The following SSBP3 variants were observed in gnomAD, a reference collection of about 807,000 sequenced individuals.
SSBP3 encodes the protein single-stranded DNA-binding protein 3.
SSBP3 carries 5 observed loss-of-function variants against 69.6 expected under a neutral mutation model. The observed-to-expected ratio is 0.07, with a 90% CI of 0.04 to 0.15. The LOEUF (loss-of-function observed/expected upper bound fraction) is 0.15, where lower values mean the gene tolerates loss of function less well. Ranked by LOEUF, SSBP3 falls within the 10% of genes least tolerant of loss-of-function variation. The probability of loss-of-function intolerance (pLI) is 1.00; values close to 1 mark genes in which losing one functional copy is unlikely to be tolerated. For missense variants in SSBP3, 312 were observed against 534.0 expected, an observed-to-expected ratio of 0.58 and a Z score of 4.10; for synonymous variants, 196 against 193.4, an observed-to-expected ratio of 1.01 and a Z score of -0.11.
intron 9 of SSBP3, among the ~76,000 whole-genome samples, chr1:54,246,698 G>A (rs1644740360): frequency 6.6e-6 from 1 of 152,220 alleles, no homozygotes; most frequent in Non-Finnish European, 1.5e-5. Context: ...CGCCTATAGA[G>A]GCACAGACCC....
intron 4 of SSBP3, among the ~76,000 whole-genome samples, chr1:54,383,963 G>A (rs1322970712): frequency 5.3e-5 from 8 of 152,006 alleles, no homozygotes; most frequent in East Asian, 1.9e-4. Context: ...AAAATTAGCC[G>A]GGCATGGTGG....
chr1:54,304,944 T>A (rs552809560), intron 4 of SSBP3, among the ~76,000 whole-genome samples: 101 of 151,466 alleles, frequency 6.7e-4, no homozygotes, highest in Non-Finnish European at 1.1e-3. Flanking sequence ...ACCGACACCA[T>A]GAGGAAGCGA....
chr1:54,345,097 G>A (rs1646667451), intron 4 of SSBP3, among the ~76,000 whole-genome samples: 1 of 152,076 alleles, frequency 6.6e-6, no homozygotes, highest in South Asian at 2.1e-4. Flanking sequence ...CTGATACACG[G>A]GGAGACTAGA....
chr1:54,243,703 G>A (rs1318268397), intron 9 of SSBP3, among the ~76,000 whole-genome samples: 1 of 152,150 alleles, frequency 6.6e-6, no homozygotes, highest in African/African-American at 2.4e-5. Context: ...GGGAGGCGAG[G>A]GGTGAGTGTC....
intron 4 of SSBP3, among the ~76,000 whole-genome samples, chr1:54,337,141 C>G (rs71637841): frequency 0.054 from 8,153 of 152,300 alleles, 309 homozygotes; most frequent in South Asian, 0.13. Flanking sequence ...GTGACAGTTA[C>G]TGGCTCCCCA....
chr1:54,348,905 A>G (rs1646734990), intron 4 of SSBP3, among the ~76,000 whole-genome samples: 1 of 152,176 alleles, frequency 6.6e-6, no homozygotes, highest in Non-Finnish European at 1.5e-5. Context: ...TCACAAAATT[A>G]GGCCGGTAAA....
chr1:54,339,528 C>T (rs147238863), intron 4 of SSBP3, among the ~76,000 whole-genome samples: 104 of 151,854 alleles, frequency 6.8e-4, no homozygotes, highest in Non-Finnish European at 1.3e-3. Flanking sequence ...GAAATAAATG[C>T]GAGTAAAATA....
intron 4 of SSBP3, among the ~76,000 whole-genome samples, chr1:54,386,247 G>A (rs1557584271): frequency 6.6e-6 from 1 of 152,226 alleles, no homozygotes; most frequent in Non-Finnish European, 1.5e-5. Context: ...AGAAGGAGGG[G>A]TTTCCTTTGT....
At chr1:54,238,122 T>A (rs540310486) in intron 14 of SSBP3, 10 of 470,490 alleles carry the variant, frequency 2.1e-5, no homozygotes, top group African/African-American at 2.0e-4. Context: ...GTGAGGACCC[T>A]GGCAACGGAG....
At chr1:54,310,275 C>T (rs1557519239) in intron 4 of SSBP3, among the ~76,000 whole-genome samples, 1 of 152,208 alleles carries the variant, frequency 6.6e-6, no homozygotes, top group African/African-American at 2.4e-5. Flanking sequence ...TTTCTTCTCT[C>T]TCCCCAGGGG....
intron 4 of SSBP3, among the ~76,000 whole-genome samples, chr1:54,353,217 T>C (rs1289805221): frequency 6.6e-6 from 1 of 152,138 alleles, no homozygotes; most frequent in African/African-American, 2.4e-5. Context: ...TTATTTTGCA[T>C]CTAACAAGGC....
rs529788881 is a variant in SSBP3, at chr1:54,406,389, T to C, written c.-381A>G. 908 of 157,872 alleles carry C rather than the reference T, an allele frequency of 5.8e-3. 10 individuals are homozygous for C. Among genetic ancestry groups the C allele is most frequent in the Non-Finnish European group, 7.7e-3 (569 of 73,844 alleles). 9.8% of individuals were successfully genotyped at this position (157,872 alleles called of 1,614,324 possible). Reference sequence around the variant, plus strand: ...CCGCCGCCGCCGCCGCCGCCGCCGCTGGTCTACTTGGAGCTCAACCGAACG... The same window carrying C: ...CCGCCGCCGCCGCCGCCGCCGCCGCCGGTCTACTTGGAGCTCAACCGAACG... On this transcript the variant is annotated 5_prime_UTR_variant, in exon 1 of 18. Transcript: ENST00000610401.
chr1:54,349,617 G>C (rs1220507594), intron 4 of SSBP3, among the ~76,000 whole-genome samples: 1 of 151,970 alleles, frequency 6.6e-6, no homozygotes, highest in Non-Finnish European at 1.5e-5. Context: ...TTTACAGGAA[G>C]CAGGTAAGGG....
intron 6 of SSBP3, among the ~76,000 whole-genome samples, chr1:54,257,482 C>T (rs1355002463): frequency 6.6e-6 from 1 of 151,842 alleles, no homozygotes; most frequent in African/African-American, 2.4e-5. Flanking sequence ...CAACGCAGGG[C>T]GGAGGAGGAA....
At chr1:54,406,110 G>GCGCT (rs1198639072) in exon 1 of SSBP3, 7 of 930,180 alleles carry the variant, frequency 7.5e-6, no homozygotes, top group East Asian at 3.5e-5. Context: ...CCCCTCCCCG[G>GCGCT]CGCTCGCTCG....
intron 4 of SSBP3, among the ~76,000 whole-genome samples, chr1:54,325,715 A>C (rs943730555): frequency 2.0e-5 from 3 of 152,210 alleles, no homozygotes; most frequent in African/African-American, 4.8e-5. Flanking sequence ...ATCACATGTA[A>C]GTAGAACTTA....
chr1:54,240,076 G>A (rs1227598534), intron 13 of SSBP3, among the ~76,000 whole-genome samples: 3 of 21,770 alleles, frequency 1.4e-4, no homozygotes, highest in African/African-American at 8.3e-4. Context: ...GTGTGTGTGT[G>A]TGTGTGTGTG....
rs145559853 is a variant in SSBP3 at position 54,390,306 on chromosome 1, C to T, written c.276+11555G>A. ...CCTCACCAAGAACTCACCACCCCAA[C>T]TCCCAATGGTCAACCTCCCATGAAG... On this transcript the variant is annotated intron_variant, in intron 4 of 17. Coordinates refer to ENST00000610401, the Ensembl canonical transcript of SSBP3. Among the ~76,000 whole-genome samples, 217 of 152,282 alleles carry T rather than the reference C, an allele frequency of 1.4e-3. 2 individuals are homozygous for T. Among genetic ancestry groups the T allele is most frequent in the African/African-American group, 5.1e-3 (210 of 41,562 alleles).
intron 11 of SSBP3, 133 bp from the exon 12 acceptor site, chr1:54,241,642 C>G: frequency 1.1e-6 from 1 of 918,358 alleles, no homozygotes; most frequent in Non-Finnish European, 1.7e-6. Context: ...CCACTTGGTT[C>G]CCCTGGGAGG....
Sources: gnomAD v4.1 joint callset for allele counts (sites outside exome capture counted in the v4.1 genomes callset) on GRCh38, gnomAD v4.1.1 for gene constraint, MANE v1.5 for transcripts, NCBI Gene and HGNC (gene_info 2026-07-23, HGNC 2026-07-21) for gene names.